OR8J1: variants seen among roughly 807,000 people sequenced by gnomAD.
OR8J1 encodes olfactory receptor family 8 subfamily J member 1.
For missense variants in OR8J1, 400 were observed against 373.0 expected, an observed-to-expected ratio of 1.07 and a Z score of -0.60; for synonymous variants, 157 against 144.3, an observed-to-expected ratio of 1.09 and a Z score of -0.63.
At chr11:56,359,521 C>A in intron 1 of OR8J1, among the ~76,000 whole-genome samples, 1 of 151,790 alleles carries the variant, frequency 6.6e-6, no homozygotes, top group South Asian at 2.1e-4. Context: ...AACAAAAAGA[C>A]ATGAGAAAGA....
intron 1 of OR8J1, among the ~76,000 whole-genome samples, chr11:56,356,244 A>G (rs1854966371): frequency 6.6e-6 from 1 of 152,232 alleles, no homozygotes; most frequent in Non-Finnish European, 1.5e-5. Context: ...AGGGAGGTGC[A>G]TAGGATGGGA....
chr11:56,357,933 G>A, intron 1 of OR8J1: 3 of 840,502 alleles, frequency 3.6e-6, no homozygotes, highest in Non-Finnish European at 6.0e-6. Flanking sequence ...GGGCCAGAAT[G>A]TTGCAGCTTA....
intron 1 of OR8J1, among the ~76,000 whole-genome samples, chr11:56,359,765 T>C (rs1852608117): frequency 6.6e-6 from 1 of 152,034 alleles, no homozygotes; most frequent in Admixed American, 6.6e-5. Flanking sequence ...TATACAAGGA[T>C]GAAATGAATA....
At position 56,360,359 on chromosome 11, in the gene OR8J1, C is replaced by A; in HGVS notation, c.113C>A (p.Thr38Asn). 1 of 1,614,132 alleles carries A rather than the reference C, an allele frequency of 6.2e-7. No individual in the cohort carries two copies. Among genetic ancestry groups the A allele is most frequent in the South Asian group, 1.1e-5 (1 of 91,078 alleles). Residue 38 changes from threonine (T) to asparagine (N), a missense_variant, in exon 2 of 2, where the codon ACC (threonine) becomes AAC (asparagine). Thr to Asn is a moderately conservative substitution (Grantham distance 65). Transcript: ENST00000533152. Reference sequence around the variant, plus strand: ...GTCTTTCTGGTGCTCTATGGGCTGACCATGGCAGGGAACCTGGGCATCATC... The same window carrying A: ...GTCTTTCTGGTGCTCTATGGGCTGAACATGGCAGGGAACCTGGGCATCATC... ...FLVFLVLYGL[T>N]MAGNLGIITL... is the part of the protein sequence containing the mutation.
chr11:56,360,947 G>C lies in OR8J1; in HGVS notation c.701G>C (p.Arg234Thr). Reference sequence around the variant, plus strand: ...TTAAAAATATGTTCATCAGAAGGAAGGAAAAAAGCCTTTTCTACCTGTGCT... The same window carrying C: ...TTAAAAATATGTTCATCAGAAGGAACGAAAAAAGCCTTTTCTACCTGTGCT... ...SILKICSSEG[R>T]KKAFSTCASH... The change falls in exon 2 of 2, where the codon AGG becomes ACG. Residue 234 changes from arginine to threonine, a missense_variant. Arg to Thr is a moderately conservative substitution (Grantham distance 71). Transcript: ENST00000533152. The C allele has an allele frequency of 6.8e-7, 1 of 1,473,526 alleles. No individual in the cohort carries two copies. The highest frequency in any genetic ancestry group is 2.4e-5 in the East Asian group (1 of 40,886). The allele number at this position is 1,473,526 out of a possible 1,614,324, so 91.3% of individuals were successfully genotyped here.
intron 1 of OR8J1, chr11:56,357,400 G>T: frequency 1.2e-6 from 1 of 844,058 alleles, no homozygotes; most frequent in Non-Finnish European, 2.0e-6. Flanking sequence ...CGACGAGAGG[G>T]TAAAACTGAT....
intron 1 of OR8J1, among the ~76,000 whole-genome samples, chr11:56,358,616 AC>A (rs1301709804): frequency 6.6e-6 from 1 of 152,210 alleles, no homozygotes; most frequent in Non-Finnish European, 1.5e-5. Context: ...ATTAAAAAAG[AC>A]CTTCCCATAA....
intron 1 of OR8J1, chr11:56,357,272 A>G (rs1190654919): frequency 2.6e-6 from 1 of 390,802 alleles, no homozygotes; most frequent in Non-Finnish European, 4.6e-6. Context: ...TTACAATTCA[A>G]GGCCTGCAGG....
At chr11:56,359,633 C>T (rs1394743976) in intron 1 of OR8J1, among the ~76,000 whole-genome samples, 1 of 151,866 alleles carries the variant, frequency 6.6e-6, no homozygotes, top group South Asian at 2.1e-4. Flanking sequence ...AAAATTGTCA[C>T]CTGAAAAATA....
chr11:56,360,189 T>G (rs1387810285), intron 1 of OR8J1, 38 bp from the exon 2 acceptor site: 2 of 1,381,308 alleles, frequency 1.4e-6, no homozygotes, highest in African/African-American at 1.4e-5. Flanking sequence ...CTGCAAATAA[T>G]TCTTTAAAGT....
At position 56,360,490 on chromosome 11, in the gene OR8J1, C is replaced by A. The variant is rs1852620137; in HGVS notation, c.244C>A (p.Leu82Met). ...GNSTVIAPKM[L>M]INFLVKKKTT... ...CTCTACTGTCATTGCCCCTAAAATG[C>A]TGATTAACTTTTTAGTAAAGAAGAA... The change falls in exon 2 of 2, where the codon CTG (leucine) becomes ATG (methionine). Residue 82 changes from leucine (L) to methionine (M), a missense_variant. By Grantham distance (15) the Leu-to-Met change is conservative. Transcript: ENST00000533152. 6.2e-7 allele frequency: 1 copy of A among 1,614,156 alleles called. No individual in the cohort carries two copies. The highest frequency in any genetic ancestry group is 8.5e-7 in the Non-Finnish European group (1 of 1,180,020).
At chr11:56,357,158 C>T (rs1156972012) in intron 1 of OR8J1, among the ~76,000 whole-genome samples, 4 of 152,092 alleles carry the variant, frequency 2.6e-5, no homozygotes, top group Non-Finnish European at 5.9e-5. Flanking sequence ...TGCCCTGCCT[C>T]GAGCTTTTTC....
chr11:56,360,279 G>A lies in OR8J1; in HGVS notation c.33G>A (p.Glu11=), dbSNP rs1317838278. The part of the protein sequence containing the change: MAPENFTRVT[E]FILTGVSSCP... ...CTGAAAATTTCACCAGAGTCACTGA[G>A]TTTATTCTTACAGGTGTCTCTAGCT... The change falls in exon 2 of 2, where the codon GAG becomes GAA. Residue 11 remains glutamate, a synonymous_variant. Coordinates refer to ENST00000533152, the MANE Select transcript of OR8J1 (RefSeq NM_001005205.3). 1 of 1,592,586 alleles carries A rather than the reference G, an allele frequency of 6.3e-7. No individual in the cohort carries two copies. The highest frequency in any genetic ancestry group is 8.5e-7 in the Non-Finnish European group (1 of 1,172,936).
intron 1 of OR8J1, chr11:56,357,710 A>G: frequency 1.3e-6 from 2 of 1,584,786 alleles, no homozygotes; most frequent in Non-Finnish European, 1.7e-6. Context: ...CTAGTGATGA[A>G]TACAATGTGG....
At position 56,361,492 on chromosome 11, in the gene OR8J1, G is replaced by T. The variant is rs1852638045; in HGVS notation, c.*295G>T. The T allele has an allele frequency of 7.4e-6, 2 of 271,290 alleles. No homozygotes were observed. The highest frequency in any genetic ancestry group is 3.4e-4 in the South Asian group (2 of 5,966). 16.8% of individuals were successfully genotyped at this position (271,290 alleles called of 1,614,324 possible). On this transcript the variant is annotated 3_prime_UTR_variant, in exon 2 of 2. Coordinates refer to ENST00000533152, the MANE Select transcript of OR8J1 (RefSeq NM_001005205.3). ...CAGTTAGAAAAAAAAATTAAAAAAA[G>T]TTAAATAAGTTTGAATGAGGCAAAA...
At chr11:56,357,670 A>G in intron 1 of OR8J1, 2 of 1,574,672 alleles carry the variant, frequency 1.3e-6, no homozygotes, top group East Asian at 2.2e-5. Context: ...TTTGGCATGG[A>G]CAAGATCTAT....
Position 56,361,412 on chromosome 11 carries a change from C to A in OR8J1, c.*215C>A, listed in dbSNP as rs1852637152. On this transcript the variant is annotated 3_prime_UTR_variant, in exon 2 of 2. Coordinates refer to ENST00000533152, the MANE Select transcript of OR8J1 (RefSeq NM_001005205.3). ...AGTTAGAAAAAAAAAATGTTATTTA[C>A]CAATTCTGCCTGGGATTAAGCAGGT... 1.3e-5 allele frequency: 5 copies of A among 386,914 alleles called. No homozygotes were observed. Among genetic ancestry groups the A allele is most frequent in the Non-Finnish European group, 2.3e-5 (5 of 219,608 alleles). The allele number at this position is 386,914 out of a possible 1,614,324, so 24.0% of individuals were successfully genotyped here. A position where few individuals can be genotyped will look rare whatever the true frequency, so the allele number is the denominator to read the frequency against.
At position 56,361,328 on chromosome 11, in the gene OR8J1, T is replaced by G; in HGVS notation, c.*131T>G. 1 of 403,718 alleles carries G rather than the reference T, an allele frequency of 2.5e-6. No homozygotes were observed. The highest frequency in any genetic ancestry group is 2.1e-5 in the African/African-American group (1 of 48,778). 25.0% of individuals were successfully genotyped at this position (403,718 alleles called of 1,614,324 possible). On this transcript the variant is annotated 3_prime_UTR_variant, in exon 2 of 2. Transcript: ENST00000533152. ...AGCAATCATAAGAATTACAACAAGA[T>G]ACAATTTAGGGAGCTTTGAATTAAA...
chr11:56,357,599 G>A, intron 1 of OR8J1: 1 of 1,234,392 alleles, frequency 8.1e-7, no homozygotes, highest in Non-Finnish European at 1.2e-6. Flanking sequence ...AGGTTGGCCT[G>A]ACAAATTATG....
Sources: allele counts gnomAD v4.1 joint callset (sites outside exome capture counted in the v4.1 genomes callset), GRCh38; gene constraint gnomAD v4.1.1; transcripts MANE v1.5; gene names NCBI Gene and HGNC (gene_info 2026-07-23, HGNC 2026-07-21).